The following SNX29 variants were observed in gnomAD, a reference collection of about 807,000 sequenced individuals.
SNX29 encodes sorting nexin 29, also known as sorting nexin-29.
Under a neutral mutation model 102.1 loss-of-function variants are expected in SNX29, and 78 were observed. The observed-to-expected ratio is 0.76, with a 90% CI of 0.64 to 0.92. The LOEUF (loss-of-function observed/expected upper bound fraction) is 0.92, where lower values mean the gene tolerates loss of function less well. SNX29 is among the 40% of genes least tolerant of loss of function. The pLI is 0.00. For missense variants in SNX29, 1,280 were observed against 1,061.7 expected (o/e 1.21, Z -2.86); for synonymous variants, 580 against 414.5 (o/e 1.40, Z -4.85).
chr16:12,270,108 A>G (rs1050519952), intron 14 of SNX29, among the ~76,000 whole-genome samples: 25 of 152,054 alleles, frequency 1.6e-4, no homozygotes, highest in African/African-American at 5.1e-4. Flanking sequence ...TGATCCACCC[A>G]CCTTGGCCTC....
At chr16:12,250,873 G>A (rs559313451) in intron 14 of SNX29, among the ~76,000 whole-genome samples, 4 of 151,644 alleles carry the variant, frequency 2.6e-5, no homozygotes, top group Admixed American at 1.3e-4. Flanking sequence ...AGCTCCAGTC[G>A]CCTGAAGTCC....
intron 20 of SNX29, among the ~76,000 whole-genome samples, chr16:12,538,991 C>T (rs766203213): frequency 2.0e-5 from 3 of 152,192 alleles, no homozygotes; most frequent in Non-Finnish European, 2.9e-5. Context: ...GAAGATAGAA[C>T]AGACCAGTAA....
intron 8 of SNX29, among the ~76,000 whole-genome samples, chr16:12,060,399 C>A (rs2050720738): frequency 6.6e-6 from 1 of 152,060 alleles, no homozygotes; most frequent in South Asian, 2.1e-4. Flanking sequence ...TGAGACCAGC[C>A]TGGACAACAT....
intron 16 of SNX29, among the ~76,000 whole-genome samples, chr16:12,382,856 C>T (rs2083221523): frequency 6.6e-6 from 1 of 151,912 alleles, no homozygotes; most frequent in African/African-American, 2.4e-5. Context: ...CTCTCTGGTG[C>T]CTCTCTGTAT....
At chr16:12,563,752 A>G (rs1360544969) in intron 20 of SNX29, among the ~76,000 whole-genome samples, 16 of 152,222 alleles carry the variant, frequency 1.1e-4, no homozygotes. Context: ...CCCAACAGCC[A>G]CAACTTCTCC....
intron 20 of SNX29, among the ~76,000 whole-genome samples, chr16:12,549,666 T>G (rs942046431): frequency 6.6e-6 from 1 of 152,194 alleles, no homozygotes; most frequent in African/African-American, 2.4e-5. Flanking sequence ...CTTGAGGCAG[T>G]CCCAAGGCCC....
chr16:12,474,921 G>A (rs1284200093), intron 18 of SNX29, among the ~76,000 whole-genome samples: 1 of 152,184 alleles, frequency 6.6e-6, no homozygotes, highest in Non-Finnish European at 1.5e-5. Flanking sequence ...GTGCTGGTAC[G>A]CCCATCTGGA....
chr16:12,572,676 G>T lies in SNX29; in HGVS notation c.*4047G>T, dbSNP rs187630634. 3.8e-6 allele frequency: 4 copies of T among 1,063,206 alleles called. No homozygotes were observed. The highest frequency in any genetic ancestry group is 5.4e-5 in the Admixed American group (1 of 18,656). The allele number at this position is 1,063,206 out of a possible 1,614,324, so 65.9% of individuals were successfully genotyped here. A position where few individuals can be genotyped will look rare whatever the true frequency, so the allele number is the denominator to read the frequency against. On this transcript the variant is annotated 3_prime_UTR_variant, in exon 21 of 21. Transcript: ENST00000566228. The stretch of plus-strand genomic sequence containing the variant: ...CCTGTGTGAGCTGCAGCACCCACAC[G>T]GGGGAAGCCCTGCACTCCAGCAGCA...
In SNX29 at chr16:12,491,239, G is replaced by A. The variant is rs570314087; in HGVS notation, c.2178+13380G>A. Among the ~76,000 whole-genome samples the A allele has an allele frequency of 4.6e-5, 7 of 152,250 alleles. No homozygotes were observed. The South Asian group carries it at 8.3e-4, about 18-fold the overall frequency. On this transcript the variant is annotated intron_variant, in intron 19 of 20. Transcript: ENST00000566228. ...TTGTGGCATTAGCATCCTTGTACAC[G>A]TCTTGGTATACATGTTTGAGACTCG...
intron 13 of SNX29, among the ~76,000 whole-genome samples, chr16:12,170,034 G>A (rs141647921): frequency 1.3e-5 from 2 of 152,254 alleles, no homozygotes; most frequent in African/African-American, 4.8e-5. Flanking sequence ...TCTCCGTGCC[G>A]ACACTTGGGC....
chr16:12,094,576 C>T (rs1641850), intron 11 of SNX29, among the ~76,000 whole-genome samples: 14 of 152,110 alleles, frequency 9.2e-5, no homozygotes, highest in Non-Finnish European at 1.5e-4. Flanking sequence ...GAAGTGATCA[C>T]GCAGGATGGT....
chr16:12,094,936 G>A (rs2052707639), intron 11 of SNX29: 2 of 152,108 alleles, frequency 1.3e-5, no homozygotes, highest in Non-Finnish European at 2.9e-5. Context: ...TAAAGAAAAT[G>A]ATAGATCCCA....
At chr16:12,166,448 G>A (rs2056026466) in intron 13 of SNX29, among the ~76,000 whole-genome samples, 1 of 152,230 alleles carries the variant, frequency 6.6e-6, no homozygotes, top group Non-Finnish European at 1.5e-5. Context: ...GGTTAACATG[G>A]TGAAGGAAGG....
At chr16:12,482,169 G>C (rs2087973881) in intron 19 of SNX29, among the ~76,000 whole-genome samples, 1 of 152,180 alleles carries the variant, frequency 6.6e-6, no homozygotes, top group Non-Finnish European at 1.5e-5. Flanking sequence ...TTCTTTGATT[G>C]GGTTACTTCA....
rs559384984 is a variant in SNX29, at chr16:12,488,847, T to C, written c.2178+10988T>C. On this transcript the variant is annotated intron_variant, in intron 19 of 20. Coordinates refer to ENST00000566228, the MANE Select transcript of SNX29 (RefSeq NM_032167.5). ...GGTGTTCTCAGTGAACCCACCAGAA[T>C]TGGCCAGCTTGCCCCACTTCACTCA... Among the ~76,000 whole-genome samples the C allele has an allele frequency of 2.0e-5, 3 of 152,318 alleles. 1 individual carries two copies. Among genetic ancestry groups the C allele is most frequent in the South Asian group, 4.1e-4 (2 of 4,828 alleles).
At chr16:12,021,221 C>T (rs571344116) in intron 3 of SNX29, among the ~76,000 whole-genome samples, 9 of 151,796 alleles carry the variant, frequency 5.9e-5, no homozygotes, top group East Asian at 1.9e-4. Flanking sequence ...TTCAGGAGTT[C>T]GAGACCAGCC....
intron 20 of SNX29, among the ~76,000 whole-genome samples, chr16:12,560,154 TA>T (rs5815695): frequency 0.89 from 126,901 of 142,498 alleles, 56,918 homozygotes; most frequent in Middle Eastern, 0.98. Context: ...CAACAAACAG[TA>T]AAGCCTTTCT....
Position 12,572,841 on chromosome 16 carries a change from T to A in SNX29, c.*4212T>A, listed in dbSNP as rs541883083. ...AGGCATCCCAGAAGGGGCAGCCTCATGCCCAGGTTTCAGCCCTAAAGGTAA... is the reference window on the plus strand; with the variant it reads ...AGGCATCCCAGAAGGGGCAGCCTCAAGCCCAGGTTTCAGCCCTAAAGGTAA... On this transcript the variant is annotated 3_prime_UTR_variant, in exon 21 of 21. Coordinates refer to ENST00000566228, the MANE Select transcript of SNX29 (RefSeq NM_032167.5). 143 of 1,063,816 alleles carry A rather than the reference T, an allele frequency of 1.3e-4. 1 individual carries two copies. The African/African-American group carries it at 2.1e-3, about 16-fold the overall frequency. The allele number at this position is 1,063,816 out of a possible 1,614,324, so 65.9% of individuals were successfully genotyped here. A position where few individuals can be genotyped will look rare whatever the true frequency, so the allele number is the denominator to read the frequency against.
Position 12,147,270 on chromosome 16 carries a change from G to T in SNX29, c.1595+17512G>T, listed in dbSNP as rs535808202. Among the ~76,000 whole-genome samples the T allele has an allele frequency of 1.1e-4, 17 of 152,326 alleles. No homozygotes were observed. In the South Asian group the frequency reaches 3.3e-3, roughly 30 times the overall value. On this transcript the variant is annotated intron_variant, in intron 13 of 20. Transcript: ENST00000566228. ...AACATGCAGCTGTTAAGGGAAAAGG[G>T]AGAAGGTTGTGTCTGAAATGTTGCT...
Sources: allele counts gnomAD v4.1 joint callset (sites outside exome capture counted in the v4.1 genomes callset), GRCh38; gene constraint gnomAD v4.1.1; transcripts MANE v1.5; gene names NCBI Gene and HGNC (gene_info 2026-07-23, HGNC 2026-07-21).